The following LRRC4C variants were observed in gnomAD, a reference collection of about 807,000 sequenced individuals.
LRRC4C encodes leucine rich repeat containing 4C.
A neutral mutation model predicts 33.6 loss-of-function variants in LRRC4C; 5 were observed. That is an observed-to-expected ratio of 0.15 (90% CI 0.08 to 0.31). The LOEUF (loss-of-function observed/expected upper bound fraction) is 0.31, where lower values mean the gene tolerates loss of function less well. LRRC4C is among the 10% of genes least tolerant of loss of function. LRRC4C has a pLI of 1.00. For missense variants in LRRC4C, 560 were observed against 796.7 expected, an observed-to-expected ratio of 0.70 and a Z score of 3.58; for synonymous variants, 329 against 302.0, an observed-to-expected ratio of 1.09 and a Z score of -0.93.
rs144340717 is a variant in LRRC4C at position 40,613,566 on chromosome 11, A to G, written c.-270+34576T>C. The stretch of plus-strand genomic sequence containing the variant: ...CTCAAAGTCATCCATGAGAGCTGGA[A>G]ACAACTTCTTCCAAATTCCCGTTAA... On this transcript the variant is annotated intron_variant, in intron 3 of 6. Coordinates refer to ENST00000528697, the MANE Select transcript of LRRC4C (RefSeq NM_001258419.2). Among the ~76,000 whole-genome samples, 7 of 151,906 alleles carry G rather than the reference A, an allele frequency of 4.6e-5. No individual in the cohort carries two copies. The East Asian group carries it at 1.4e-3, about 29-fold the overall frequency.
chr11:41,092,685 G>T (rs116195592), intron 1 of LRRC4C, among the ~76,000 whole-genome samples: 320 of 152,242 alleles, frequency 2.1e-3, no homozygotes, highest in Non-Finnish European at 3.6e-3. Flanking sequence ...ATAACCAACT[G>T]TACTGTCCAG....
At chr11:40,908,745 T>C (rs1592058901) in intron 2 of LRRC4C, among the ~76,000 whole-genome samples, 1 of 152,252 alleles carries the variant, frequency 6.6e-6, no homozygotes, top group East Asian at 1.9e-4. Context: ...AGACCTTGAT[T>C]TGAGTGTAAC....
intron 4 of LRRC4C, among the ~76,000 whole-genome samples, chr11:40,277,275 G>T (rs1046984712): frequency 6.6e-6 from 1 of 152,082 alleles, no homozygotes; most frequent in Non-Finnish European, 1.5e-5. Flanking sequence ...AAACAGTAAG[G>T]CCTCCTTAAA....
chr11:41,110,369 C>T (rs1941759018), intron 1 of LRRC4C, among the ~76,000 whole-genome samples: 2 of 152,070 alleles, frequency 1.3e-5, no homozygotes, highest in South Asian at 4.1e-4. Context: ...ACATTAATCA[C>T]ATTTTTAATT....
chr11:41,172,424 C>G (rs1945016135), intron 1 of LRRC4C, among the ~76,000 whole-genome samples: 1 of 152,146 alleles, frequency 6.6e-6, no homozygotes, highest in South Asian at 2.1e-4. Context: ...AGAGCACAAT[C>G]ACAAAACCAT....
intron 2 of LRRC4C, among the ~76,000 whole-genome samples, chr11:40,739,520 T>A (rs915308613): frequency 6.6e-6 from 1 of 152,072 alleles, no homozygotes; most frequent in Non-Finnish European, 1.5e-5. Context: ...TACAATTATA[T>A]ATTTGTGTAA....
intron 2 of LRRC4C, among the ~76,000 whole-genome samples, chr11:40,898,353 CAAAAAA>C (rs765252333): frequency 7.8e-5 from 3 of 38,372 alleles, no homozygotes; most frequent in Admixed American, 3.6e-4. Flanking sequence ...AACTCCATCT[CAAAAAA>C]AAAAAAAAAA....
chr11:41,429,820 AT>A (rs1343652725), intron 1 of LRRC4C, among the ~76,000 whole-genome samples: 37 of 152,274 alleles, frequency 2.4e-4, no homozygotes, highest in African/African-American at 8.2e-4. Context: ...AAACAAAAAA[AT>A]AAAAATAAAA....
At chr11:41,007,218 A>T (rs1402038197) in intron 1 of LRRC4C, among the ~76,000 whole-genome samples, 1 of 128,160 alleles carries the variant, frequency 7.8e-6, no homozygotes, top group East Asian at 1.9e-4. Context: ...AAAATCTAGA[A>T]AAAAACAATA....
At chr11:40,524,594 T>C (rs1276749615) in intron 3 of LRRC4C, among the ~76,000 whole-genome samples, 2 of 152,254 alleles carry the variant, frequency 1.3e-5, no homozygotes, top group African/African-American at 2.4e-5. Flanking sequence ...TTTATATTCT[T>C]AAAAAAAGGT....
At chr11:40,181,645 C>G (rs1046240633) in intron 5 of LRRC4C, among the ~76,000 whole-genome samples, 1 of 152,194 alleles carries the variant, frequency 6.6e-6, no homozygotes, top group African/African-American at 2.4e-5. Flanking sequence ...GCTAGTTCAG[C>G]TTCGTTTGAC....
At chr11:40,782,270 A>C (rs1950239226) in intron 2 of LRRC4C, among the ~76,000 whole-genome samples, 1 of 152,134 alleles carries the variant, frequency 6.6e-6, no homozygotes, top group Non-Finnish European at 1.5e-5. Context: ...TTAAGACAGA[A>C]TCAGTGGAAA....
intron 1 of LRRC4C, among the ~76,000 whole-genome samples, chr11:41,338,341 C>T (rs1219639829): frequency 6.6e-6 from 1 of 152,160 alleles, no homozygotes; most frequent in Non-Finnish European, 1.5e-5. Context: ...GGTACATATA[C>T]ACCACAGAAT....
At chr11:40,303,177 G>A (rs1450965527) in intron 4 of LRRC4C, among the ~76,000 whole-genome samples, 1 of 152,102 alleles carries the variant, frequency 6.6e-6, no homozygotes, top group East Asian at 1.9e-4. Context: ...GAGAGAAATT[G>A]GGAAACTTGG....
chr11:40,545,451 A>C (rs1956875678), intron 3 of LRRC4C, among the ~76,000 whole-genome samples: 1 of 152,000 alleles, frequency 6.6e-6, no homozygotes, highest in Non-Finnish European at 1.5e-5. Flanking sequence ...ATACATTTTC[A>C]ATGTTTAAAA....
At chr11:41,208,696 A>C (rs1383730721) in intron 1 of LRRC4C, among the ~76,000 whole-genome samples, 1 of 152,238 alleles carries the variant, frequency 6.6e-6, no homozygotes, top group Non-Finnish European at 1.5e-5. Context: ...TCTCTACAAG[A>C]AAATAGAAGA....
Position 40,648,260 on chromosome 11 carries a change from C to A in LRRC4C, c.-388G>T, listed in dbSNP as rs566272592. 6.6e-6 allele frequency: 1 copy of A among 152,146 alleles called. No individual in the cohort carries two copies. Among genetic ancestry groups the A allele is most frequent in the Non-Finnish European group, 1.5e-5 (1 of 67,982 alleles). The allele number at this position is 152,146 out of a possible 1,614,324, so 9.4% of individuals were successfully genotyped here. A position where few individuals can be genotyped will look rare whatever the true frequency, so the allele number is the denominator to read the frequency against. On this transcript the variant is annotated 5_prime_UTR_variant, in exon 3 of 7. Transcript: ENST00000528697. ...ATATTGTTAATCCGCATAAGTTATT[C>A]TTGCTTTTCCAGTAACTCCTACATA...
chr11:40,846,872 A>T (rs915003494), intron 2 of LRRC4C, among the ~76,000 whole-genome samples: 1 of 151,776 alleles, frequency 6.6e-6, no homozygotes, highest in Admixed American at 6.6e-5. Flanking sequence ...GAGGCCCTTC[A>T]CATCTCTTGT....
chr11:40,128,606 C>T (rs540119401), intron 6 of LRRC4C, among the ~76,000 whole-genome samples: 1 of 152,250 alleles, frequency 6.6e-6, no homozygotes, highest in South Asian at 2.1e-4. Context: ...GAACAAAATG[C>T]AAACTGCTTT....
Sources: allele counts gnomAD v4.1 joint callset (sites outside exome capture counted in the v4.1 genomes callset), GRCh38; gene constraint gnomAD v4.1.1; transcripts MANE v1.5; gene names NCBI Gene and HGNC (gene_info 2026-07-23, HGNC 2026-07-21).